ZC3H3: variants seen among roughly 807,000 people sequenced by gnomAD.
The protein encoded by ZC3H3 is zinc finger CCCH domain-containing protein 3.
Under a neutral mutation model 77.3 loss-of-function variants are expected in ZC3H3, and 36 were observed. The observed-to-expected ratio is 0.47, with a 90% CI of 0.36 to 0.61. The LOEUF (loss-of-function observed/expected upper bound fraction) is 0.61. Ranked by LOEUF, ZC3H3 falls within the 20% of genes least tolerant of loss-of-function variation. The probability of loss-of-function intolerance (pLI) is 0.00; values close to 1 mark genes in which losing one functional copy is unlikely to be tolerated. For synonymous variants in ZC3H3, 626 were observed against 555.2 expected, an observed-to-expected ratio of 1.13 and a Z score of -1.79; for missense variants, 1,331 against 1,312.2, an observed-to-expected ratio of 1.01 and a Z score of -0.22.
chr8:143,453,891 G>C (rs1326930479), intron 9 of ZC3H3, among the ~76,000 whole-genome samples: 1 of 152,024 alleles, frequency 6.6e-6, no homozygotes, highest in East Asian at 1.9e-4. Flanking sequence ...CTGGCAAAAC[G>C]ACACCACCAG....
chr8:143,524,486 G>A (rs1586956813), intron 3 of ZC3H3, among the ~76,000 whole-genome samples: 2 of 152,362 alleles, frequency 1.3e-5, no homozygotes. Flanking sequence ...CCAGCTGGTC[G>A]GCCTCAAAGA....
At chr8:143,461,966 G>A (rs570661034) in intron 9 of ZC3H3, among the ~76,000 whole-genome samples, 41 of 150,858 alleles carry the variant, frequency 2.7e-4, no homozygotes, top group Middle Eastern at 3.4e-3. Flanking sequence ...CTGTACTTCA[G>A]TTAAGCTGCT....
chr8:143,531,960 T>C lies in ZC3H3; in HGVS notation c.1561+4297A>G, dbSNP rs62521946. On this transcript the variant is annotated intron_variant, in intron 3 of 11. Transcript: ENST00000262577. Reference sequence around the variant, plus strand: ...CCATCACAATGAATAAAGCTTAATGTTGATTGTGACGGAATTTCTAATGCC... The same window carrying C: ...CCATCACAATGAATAAAGCTTAATGCTGATTGTGACGGAATTTCTAATGCC... 1.9e-4 allele frequency among the ~76,000 whole-genome samples: 29 copies of C among 152,340 alleles called. 1 individual carries two copies. The South Asian group carries it at 3.7e-3, about 20-fold the overall frequency.
At chr8:143,495,907 T>C (rs1320786378) in intron 4 of ZC3H3, among the ~76,000 whole-genome samples, 2 of 152,172 alleles carry the variant, frequency 1.3e-5, no homozygotes, top group African/African-American at 4.8e-5. Flanking sequence ...TGGTGATTCA[T>C]TTGTTAGAAC....
At position 143,475,014 on chromosome 8, in the gene ZC3H3, C is replaced by A. The variant is rs138340232; in HGVS notation, c.1903+384G>T. ...ATGGTGCTTGTGAGCAACTCTCCCC[C>A]ACCCCACAGAAAATCAGGGGCCGCT... On this transcript the variant is annotated intron_variant, in intron 5 of 11. Transcript: ENST00000262577. Among the ~76,000 whole-genome samples the A allele has an allele frequency of 2.3e-3, 344 of 152,354 alleles. 1 individual carries two copies. The highest frequency in any genetic ancestry group is 7.8e-3 in the African/African-American group (324 of 41,586).
In ZC3H3 at chr8:143,437,978, G is replaced by A. The variant is rs1240158449; in HGVS notation, c.*78C>T. ...CTTGGTGGCGGGCGGCCCTCCTGTG[G>A]GGTAGAGTGGTGGACAGAGCCTCTT... On this transcript the variant is annotated 3_prime_UTR_variant, in exon 12 of 12. Transcript: ENST00000262577. 2 of 1,558,584 alleles carry A rather than the reference G, an allele frequency of 1.3e-6. No homozygotes were observed. The highest frequency in any genetic ancestry group is 2.7e-5 in the African/African-American group (2 of 73,736).
intron 3 of ZC3H3, among the ~76,000 whole-genome samples, chr8:143,512,254 G>T (rs990020686): frequency 7.9e-5 from 12 of 152,226 alleles, no homozygotes. Context: ...GGCCAGTCAG[G>T]CCCCCCATCC....
At chr8:143,459,543 C>T (rs13265981) in intron 9 of ZC3H3, among the ~76,000 whole-genome samples, 1 of 152,056 alleles carries the variant, frequency 6.6e-6, no homozygotes, top group Non-Finnish European at 1.5e-5. Flanking sequence ...GAGCAAAACT[C>T]TATTTCAAAA....
Position 143,538,553 on chromosome 8 carries a change from G to C in ZC3H3, c.814C>G (p.Gln272Glu), listed in dbSNP as rs1259278888. The C allele has an allele frequency of 6.2e-7, 1 of 1,611,556 alleles. No homozygotes were observed. The highest frequency in any genetic ancestry group is 1.7e-5 in the Admixed American group (1 of 60,032). Reference sequence around the variant, plus strand: ...CCCACTGAGCCAGACGGAACTGGCTGATCTGTGTGGCCAGCATCTACTCTC... The same window carrying C: ...CCCACTGAGCCAGACGGAACTGGCTCATCTGTGTGGCCAGCATCTACTCTC... ...DRRVDAGHTD[Q>E]PVPSGSVGGP... is the part of the protein sequence containing the mutation. Residue 272 changes from glutamine (Q) to glutamate (E), a missense_variant, in exon 2 of 12, where the codon CAG (glutamine) becomes GAG (glutamate). Gln to Glu is a conservative substitution (Grantham distance 29). This residue lies in a region of ZC3H3 where 978 missense variants were observed against 915.5 expected (regional missense o/e 1.07). Coordinates refer to ENST00000262577, the MANE Select transcript of ZC3H3 (RefSeq NM_015117.3).
chr8:143,463,999 G>T (rs971699669), intron 9 of ZC3H3, among the ~76,000 whole-genome samples: 2 of 152,250 alleles, frequency 1.3e-5, no homozygotes, highest in African/African-American at 4.8e-5. Flanking sequence ...TTGATTCAGT[G>T]GAATATTATA....
chr8:143,508,681 C>T (rs1049805394), intron 3 of ZC3H3, among the ~76,000 whole-genome samples: 2 of 152,144 alleles, frequency 1.3e-5, no homozygotes, highest in Non-Finnish European at 2.9e-5. Flanking sequence ...CAACAGCTTC[C>T]CTGGCAGCCC....
intron 9 of ZC3H3, among the ~76,000 whole-genome samples, chr8:143,453,698 T>C (rs1210033313): frequency 6.6e-6 from 1 of 152,214 alleles, no homozygotes; most frequent in Non-Finnish European, 1.5e-5. Flanking sequence ...AGCAAAAATA[T>C]GGATAAACAT....
intron 11 of ZC3H3, among the ~76,000 whole-genome samples, chr8:143,439,807 C>T (rs140883583): frequency 1.9e-4 from 28 of 148,500 alleles, no homozygotes; most frequent in Non-Finnish European, 2.9e-4. Context: ...TGCCCGAGCC[C>T]GGCCATGCTG....
chr8:143,480,604 C>T (rs1820881950), intron 4 of ZC3H3, among the ~76,000 whole-genome samples: 1 of 152,224 alleles, frequency 6.6e-6, no homozygotes, highest in Non-Finnish European at 1.5e-5. Context: ...AGGGTGACAG[C>T]CTCAGCACTT....
Position 143,440,831 on chromosome 8 carries a change from A to G in ZC3H3, c.2492+105T>C, listed in dbSNP as rs565094258. 6.5e-6 allele frequency: 8 copies of G among 1,231,768 alleles called. No individual in the cohort carries two copies. The African/African-American group carries it at 9.4e-5, about 14-fold the overall frequency. The allele number at this position is 1,231,768 out of a possible 1,614,324, so 76.3% of individuals were successfully genotyped here. ...GGGATTTCTTTCTGGTCTGAGGCCCAAAGAGCTGGAGTTGGCGGGAGCTCA... is the reference window on the plus strand; with the variant it reads ...GGGATTTCTTTCTGGTCTGAGGCCCGAAGAGCTGGAGTTGGCGGGAGCTCA... On this transcript the variant is annotated intron_variant, in intron 10 of 11. Coordinates refer to ENST00000262577, the MANE Select transcript of ZC3H3 (RefSeq NM_015117.3).
At chr8:143,529,018 C>A (rs140891396) in intron 3 of ZC3H3, among the ~76,000 whole-genome samples, 45 of 152,344 alleles carry the variant, frequency 3.0e-4, no homozygotes, top group Non-Finnish European at 5.3e-4. Context: ...GTGGCTGGCA[C>A]GCGATCTTAG....
chr8:143,440,446 T>C, intron 10 of ZC3H3, 83 bp from the exon 11 acceptor site: 3 of 1,464,194 alleles, frequency 2.0e-6, no homozygotes, highest in Middle Eastern at 2.6e-4. Flanking sequence ...TCTTGGCTGC[T>C]TCCTGCTCCC....
chr8:143,534,233 T>C (rs1225868260), intron 3 of ZC3H3, among the ~76,000 whole-genome samples: 2 of 149,826 alleles, frequency 1.3e-5, no homozygotes, highest in Non-Finnish European at 3.0e-5. Context: ...ACTGCACCAC[T>C]GTACTCTGGC....
rs1304225772 is a variant in ZC3H3, at chr8:143,475,533, G to C, written c.1768C>G (p.Gln590Glu). Residue 590 changes from glutamine to glutamate, a missense_variant, in exon 5 of 12, where the codon CAA becomes GAA. Gln to Glu is a conservative substitution (Grantham distance 29, BLOSUM62 2). This residue lies in a region of ZC3H3 where 978 missense variants were observed against 915.5 expected (regional missense o/e 1.07). Transcript: ENST00000262577. ...CTCCGCCACCAAGGGGAGCCCGGTT[G>C]GGCTTTCCCACCCCCGCTGGCAACT... ...RPVASGGGKA[Q>E]PGSPWWRSKG... 4 of 1,610,964 alleles carry C rather than the reference G, an allele frequency of 2.5e-6. No homozygotes were observed. In the South Asian group the frequency reaches 4.4e-5, roughly 18 times the overall value.
Sources: allele counts gnomAD v4.1 joint callset (sites outside exome capture counted in the v4.1 genomes callset), GRCh38; gene constraint gnomAD v4.1.1; regional missense constraint gnomAD v4.1.1; transcripts MANE v1.5; gene names NCBI Gene and HGNC (gene_info 2026-07-23, HGNC 2026-07-21).